WDHD1: variants seen among roughly 807,000 people sequenced by gnomAD.
WDHD1 encodes WD repeat and HMG-box DNA binding protein 1, also known as WD repeat and HMG-box DNA-binding protein 1.
A neutral mutation model predicts 135.4 loss-of-function variants in WDHD1; 111 were observed. That is an observed-to-expected ratio of 0.82 (90% CI 0.70 to 0.96). The LOEUF is 0.96. WDHD1 is among the 40% of genes least tolerant of loss of function. WDHD1 has a pLI of 0.00. For synonymous variants in WDHD1, 434 were observed against 439.0 expected, an observed-to-expected ratio of 0.99 and a Z score of 0.14; for missense variants, 1,351 against 1,336.3, an observed-to-expected ratio of 1.01 and a Z score of -0.17.
intron 25 of WDHD1, among the ~76,000 whole-genome samples, chr14:54,942,077 C>T (rs558493742): frequency 1.3e-4 from 20 of 151,902 alleles, no homozygotes; most frequent in East Asian, 3.9e-4. Flanking sequence ...AGTGAAACCC[C>T]GTCTCTACTA....
chr14:54,982,241 C>A (rs2041630668), intron 15 of WDHD1, among the ~76,000 whole-genome samples: 1 of 151,972 alleles, frequency 6.6e-6, no homozygotes, highest in African/African-American at 2.4e-5. Context: ...AATCTCCTGA[C>A]CTTGTGATCC....
rs756317200 is a variant in WDHD1, at chr14:54,987,203, C to G, written c.1711G>C (p.Gly571Arg). 1.9e-6 allele frequency: 3 copies of G among 1,614,098 alleles called. 1 individual carries two copies. The Admixed American group carries it at 5.0e-5, about 27-fold the overall frequency. ...TGTCCTGCCATTGACACCACAGGTC[C>G]AGCAAGGCTGAATACCTCTTTTTGA... ...GVQKEVFSLA[G>R]PVVSMAGHGE... The change falls in exon 14 of 26, where the codon GGA becomes CGA. Residue 571 changes from glycine to arginine, a missense_variant. Coordinates refer to ENST00000360586, the MANE Select transcript of WDHD1 (RefSeq NM_007086.4).
rs377259559 is a variant in WDHD1, at chr14:55,026,803, T to G, written c.-16A>C. 5 of 1,613,858 alleles carry G rather than the reference T, an allele frequency of 3.1e-6. No individual in the cohort carries two copies. The highest frequency in any genetic ancestry group is 4.2e-6 in the Non-Finnish European group (5 of 1,179,744). ...TGGCAGGCATGTTTTCCTTTACCTA[T>G]CTGAAAATGTTTTATAAAAGCCAGT... On this transcript the variant is annotated splice_region_variant and 5_prime_UTR_variant, in exon 2 of 26. Coordinates refer to ENST00000360586, the MANE Select transcript of WDHD1 (RefSeq NM_007086.4).
At chr14:54,952,528 G>A (rs1319421944) in intron 24 of WDHD1, among the ~76,000 whole-genome samples, 3 of 152,216 alleles carry the variant, frequency 2.0e-5, no homozygotes, top group Non-Finnish European at 2.9e-5. Flanking sequence ...CCACGCTCAT[G>A]GATAGGAAGA....
Position 54,962,462 on chromosome 14 carries a change from T to C in WDHD1, c.2701+36A>G, listed in dbSNP as rs371038702. The C allele has an allele frequency of 7.1e-6, 11 of 1,546,984 alleles. No individual in the cohort carries two copies. The African/African-American group carries it at 1.1e-4, about 15-fold the overall frequency. ...GTCACTTTGCAGATGACTTGCAAAA[T>C]TTCCTTGATATTACAAATTTATAAA... On this transcript the variant is annotated intron_variant, in intron 21 of 25. Coordinates refer to ENST00000360586, the MANE Select transcript of WDHD1 (RefSeq NM_007086.4).
chr14:54,942,713 T>C (rs1345492025), intron 25 of WDHD1, among the ~76,000 whole-genome samples: 1 of 152,184 alleles, frequency 6.6e-6, no homozygotes, highest in Non-Finnish European at 1.5e-5. Context: ...GTCTCTAAAA[T>C]CTCTTTTAAT....
chr14:54,969,343 G>GAAAA (rs141857558), intron 16 of WDHD1, among the ~76,000 whole-genome samples: 5 of 119,530 alleles, frequency 4.2e-5, no homozygotes, highest in African/African-American at 5.7e-5. Flanking sequence ...TCCGTTTCAA[G>GAAAA]AAAAAAAAAA....
At chr14:54,985,949 G>GA (rs1039776431) in intron 14 of WDHD1, among the ~76,000 whole-genome samples, 4 of 152,088 alleles carry the variant, frequency 2.6e-5, no homozygotes, top group Non-Finnish European at 5.9e-5. Context: ...AGCTTGGAAG[G>GA]AAAAAAATCA....
At chr14:54,980,359 T>C (rs1460293382) in intron 16 of WDHD1, among the ~76,000 whole-genome samples, 1 of 151,900 alleles carries the variant, frequency 6.6e-6, no homozygotes, top group African/African-American at 2.4e-5. Flanking sequence ...GGTTTTTTTG[T>C]ATATTCACAG....
chr14:55,007,946 T>C (rs776615718), intron 6 of WDHD1, among the ~76,000 whole-genome samples: 1 of 152,200 alleles, frequency 6.6e-6, no homozygotes, highest in Non-Finnish European at 1.5e-5. Context: ...TTGAATAAAC[T>C]GTATATGTGA....
chr14:54,968,193 A>G (rs945552071), intron 16 of WDHD1, among the ~76,000 whole-genome samples: 1 of 152,238 alleles, frequency 6.6e-6, no homozygotes, highest in African/African-American at 2.4e-5. Context: ...AAATAAAAAT[A>G]GAAATCAATA....
intron 25 of WDHD1, among the ~76,000 whole-genome samples, chr14:54,943,279 T>C (rs566216733): frequency 6.6e-6 from 1 of 152,346 alleles, no homozygotes; most frequent in Non-Finnish European, 1.5e-5. Context: ...CCAGTCTTTT[T>C]CCCAAAAGGA....
rs1035029496 is a variant in WDHD1 at position 55,008,506 on chromosome 14, T to A, written c.453+102A>T. On this transcript the variant is annotated intron_variant, in intron 5 of 25. Coordinates refer to ENST00000360586, the MANE Select transcript of WDHD1 (RefSeq NM_007086.4). ...ACTCTCTTACTGAATAAAACAAAGG[T>A]TGAAAAGTTGAGTTAGCAGAAAATT... 7 of 1,439,176 alleles carry A rather than the reference T, an allele frequency of 4.9e-6. No homozygotes were observed. The East Asian group carries it at 1.2e-4, about 24-fold the overall frequency. The allele number at this position is 1,439,176 out of a possible 1,614,324, so 89.2% of individuals were successfully genotyped here. A position where few individuals can be genotyped will look rare whatever the true frequency, so the allele number is the denominator to read the frequency against.
Position 54,941,536 on chromosome 14 carries a change from A to G in WDHD1, c.3344T>C (p.Phe1115Ser), listed in dbSNP as rs775753988. Residue 1115 changes from phenylalanine (F) to serine (S), a missense_variant, in exon 26 of 26, where the codon TTT becomes TCT. Phe to Ser is a radical substitution (Grantham distance 155, BLOSUM62 -2). This residue lies in a region of WDHD1 where 1,330 missense variants were observed against 1,296.1 expected (regional missense o/e 1.03). Coordinates refer to ENST00000360586, the MANE Select transcript of WDHD1 (RefSeq NM_007086.4). ...NLSKKQKPLD[F>S]STNQKLSAFA... is the part of the protein sequence containing the mutation. ...AGCTGATAGTTTCTGATTTGTAGAA[A>G]AATCTAAAGGTTTCTGCTTTTTAGA... The G allele has an allele frequency of 3.7e-6, 6 of 1,613,372 alleles. No individual in the cohort carries two copies. In the East Asian group the frequency reaches 8.9e-5, roughly 24 times the overall value.
intron 21 of WDHD1, among the ~76,000 whole-genome samples, chr14:54,958,983 CT>C (rs373178381): frequency 2.0e-5 from 3 of 152,334 alleles, no homozygotes; most frequent in Non-Finnish European, 4.4e-5. Context: ...CATCATCTTC[CT>C]CTCTAAATCT....
chr14:54,974,321 T>C (rs1289459336), intron 16 of WDHD1, among the ~76,000 whole-genome samples: 1 of 151,802 alleles, frequency 6.6e-6, no homozygotes, highest in Non-Finnish European at 1.5e-5. Context: ...TAGCTTTAGC[T>C]ACTCGGAAGG....
rs138207824 is a variant in WDHD1, at chr14:54,972,949, G to A, written c.2064-5555C>T. On this transcript the variant is annotated intron_variant, in intron 16 of 25. Transcript: ENST00000360586. ...CAAAGACTGTCTAAACCTGTTCTGA[G>A]TAGTCTATATAAGGCATTCAAACAC... is the stretch of plus-strand genomic sequence containing the variant. Among the ~76,000 whole-genome samples the A allele has an allele frequency of 3.7e-3, 571 of 152,306 alleles. 1 individual carries two copies. Among genetic ancestry groups the A allele is most frequent in the African/African-American group, 0.013 (533 of 41,562 alleles).
chr14:54,999,780 A>T (rs2041949774), intron 10 of WDHD1, among the ~76,000 whole-genome samples: 1 of 151,650 alleles, frequency 6.6e-6, no homozygotes, highest in African/African-American at 2.4e-5. Flanking sequence ...TTTATTTTTT[A>T]ATTTTTTGTA....
chr14:54,970,493 T>C (rs760644021), intron 16 of WDHD1, among the ~76,000 whole-genome samples: 2 of 151,870 alleles, frequency 1.3e-5, no homozygotes, highest in African/African-American at 2.4e-5. Flanking sequence ...AAAACACTGT[T>C]GAAAGAAATC....
Sources: gnomAD v4.1 joint callset for allele counts (sites outside exome capture counted in the v4.1 genomes callset) on GRCh38, gnomAD v4.1.1 for gene constraint, gnomAD v4.1.1 regional missense constraint, MANE v1.5 for transcripts, NCBI Gene and HGNC (gene_info 2026-07-23, HGNC 2026-07-21) for gene names.